COBL: variants seen among roughly 807,000 people sequenced by gnomAD.
The protein encoded by COBL is protein cordon-bleu.
A neutral mutation model predicts 98.8 loss-of-function variants in COBL; 51 were observed. The ratio of observed to expected loss-of-function variants is 0.52; its 90% CI spans 0.41 to 0.65. The LOEUF (loss-of-function observed/expected upper bound fraction) is 0.65, where lower values mean the gene tolerates loss of function less well. Among genes scored for constraint, COBL ranks in the 30% least tolerant of loss-of-function variants. The pLI, the probability that COBL is intolerant of heterozygous loss-of-function variation, is 0.00. For missense variants in COBL, 1,617 were observed against 1,617.5 expected, an observed-to-expected ratio of 1.00 and a Z score of 0.01; for synonymous variants, 634 against 651.7, an observed-to-expected ratio of 0.97 and a Z score of 0.41.
intron 6 of COBL, among the ~76,000 whole-genome samples, chr7:51,105,803 C>A (rs1003170555): frequency 1.3e-5 from 2 of 151,896 alleles, no homozygotes; most frequent in Non-Finnish European, 2.9e-5. Flanking sequence ...TGAGAGAGGC[C>A]TGGGAAAACA....
intron 4 of COBL, 29 bp downstream of exon 4, chr7:51,190,821 C>T (rs1438379044): frequency 5.7e-6 from 9 of 1,581,014 alleles, no homozygotes; most frequent in Admixed American, 3.4e-5. Flanking sequence ...TGATTATGGG[C>T]AGGTGCGTGA....
chr7:51,293,913 G>C (rs190530080), intron 1 of COBL, among the ~76,000 whole-genome samples: 7 of 152,176 alleles, frequency 4.6e-5, no homozygotes, highest in Admixed American at 1.3e-4. Flanking sequence ...GCTCGGTAAG[G>C]GTGCTGGATC....
intron 6 of COBL, among the ~76,000 whole-genome samples, chr7:51,094,177 T>C (rs1795074420): frequency 6.6e-6 from 1 of 151,990 alleles, no homozygotes; most frequent in African/African-American, 2.4e-5. Flanking sequence ...TCTAAAACAG[T>C]TGATCTCATA....
At chr7:51,059,127 G>A (rs990500199) in intron 7 of COBL, among the ~76,000 whole-genome samples, 1 of 152,228 alleles carries the variant, frequency 6.6e-6, no homozygotes, top group Non-Finnish European at 1.5e-5. Context: ...GGCCACCTGT[G>A]ACCCTGAACT....
intron 2 of COBL, among the ~76,000 whole-genome samples, chr7:51,211,932 G>A (rs572352954): frequency 9.2e-5 from 14 of 152,092 alleles, no homozygotes; most frequent in Non-Finnish European, 1.5e-4. Flanking sequence ...TTAAATCTCA[G>A]GTTCAATGGA....
chr7:51,054,608 C>T (rs933770987), intron 7 of COBL, among the ~76,000 whole-genome samples: 56 of 152,326 alleles, frequency 3.7e-4, no homozygotes, highest in Middle Eastern at 3.4e-3. Context: ...TCCTCTCTGC[C>T]GCTTGGCCAG....
chr7:51,289,491 C>T (rs945889967), intron 1 of COBL, among the ~76,000 whole-genome samples: 23 of 152,342 alleles, frequency 1.5e-4, no homozygotes, highest in African/African-American at 5.0e-4. Flanking sequence ...CTGCCTACAA[C>T]GGAGCTCTGC....
intron 1 of COBL, among the ~76,000 whole-genome samples, chr7:51,288,422 CAA>C (rs71021764): frequency 1.8e-4 from 19 of 102,722 alleles, no homozygotes; most frequent in Non-Finnish European, 2.1e-4. Context: ...CAACAGTCTC[CAA>C]AAAAAAAAAA....
chr7:51,297,898 A>G (rs995551442), intron 1 of COBL, among the ~76,000 whole-genome samples: 1 of 152,190 alleles, frequency 6.6e-6, no homozygotes, highest in African/African-American at 2.4e-5. Context: ...GGAAAAGACA[A>G]TCAAGACCAT....
At chr7:51,121,048 T>C (rs1303084132) in intron 6 of COBL, among the ~76,000 whole-genome samples, 1 of 152,198 alleles carries the variant, frequency 6.6e-6, no homozygotes, top group Non-Finnish European at 1.5e-5. Context: ...GTGAAATTGC[T>C]AGATCCTATG....
At chr7:51,278,972 G>A (rs540187650) in intron 1 of COBL, among the ~76,000 whole-genome samples, 10 of 152,338 alleles carry the variant, frequency 6.6e-5, no homozygotes, top group East Asian at 3.9e-4. Context: ...GCAGGTGGCC[G>A]GGGAAATGCT....
chr7:51,118,707 C>T (rs1562933739), intron 6 of COBL, among the ~76,000 whole-genome samples: 1 of 152,126 alleles, frequency 6.6e-6, no homozygotes, highest in South Asian at 2.1e-4. Flanking sequence ...ATCTGGGGCC[C>T]TTGGAGGTTC....
Position 51,175,333 on chromosome 7 carries a change from A to G in COBL, c.783+8769T>C, listed in dbSNP as rs148808020. 7.3e-3 allele frequency among the ~76,000 whole-genome samples: 1,119 copies of G among 152,344 alleles called. 13 individuals are homozygous for G. The highest frequency in any genetic ancestry group is 0.026 in the African/African-American group (1,087 of 41,580). ...TTAGTTTTATACCAAAAGGTGCATG[A>G]ACGTGAGTTCTCTCACCCCCATATT... On this transcript the variant is annotated intron_variant, in intron 5 of 12. Coordinates refer to ENST00000265136, the MANE Select transcript of COBL (RefSeq NM_015198.5).
intron 6 of COBL, among the ~76,000 whole-genome samples, chr7:51,090,021 CTG>C (rs986705191): frequency 6.6e-6 from 1 of 152,164 alleles, no homozygotes; most frequent in Non-Finnish European, 1.5e-5. Context: ...TTAAAACACT[CTG>C]TAATTTTATC....
At chr7:51,282,518 A>G (rs1799900275) in intron 1 of COBL, among the ~76,000 whole-genome samples, 1 of 152,258 alleles carries the variant, frequency 6.6e-6, no homozygotes, top group East Asian at 1.9e-4. Context: ...ACAAGAAGAT[A>G]TAACAATCCT....
chr7:51,184,306 TC>T (rs1789275413), intron 4 of COBL, 107 bp from the exon 5 acceptor site: 3 of 630,984 alleles, frequency 4.8e-6, no homozygotes, highest in Non-Finnish European at 5.3e-6. Flanking sequence ...AACTTTTAGT[TC>T]TTGTAAGAGA....
intron 1 of COBL, among the ~76,000 whole-genome samples, chr7:51,223,195 C>A (rs975771784): frequency 6.6e-6 from 1 of 152,284 alleles, no homozygotes; most frequent in Non-Finnish European, 1.5e-5. Flanking sequence ...AACCAGCAGG[C>A]TGCAAGGGCG....
At chr7:51,083,254 T>C (rs985199998) in intron 7 of COBL, 1 of 1,436,452 alleles carries the variant, frequency 7.0e-7, no homozygotes, top group Non-Finnish European at 9.1e-7. Flanking sequence ...AGGGAGTTAC[T>C]TCAGCAGGTT....
In COBL at chr7:51,297,662, G is replaced by C. The variant is rs2129197809; in HGVS notation, c.41+18931C>G. 2.0e-5 allele frequency among the ~76,000 whole-genome samples: 3 copies of C among 152,212 alleles called. No individual in the cohort carries two copies. In the Middle Eastern group the frequency reaches 0.01, roughly 518 times the overall value. Reference sequence around the variant, plus strand: ...CCCGCCTCAGCCTCCCAAAGTGCTAGGATTACAGGCTTGAGCCACCATGCC... The same window carrying C: ...CCCGCCTCAGCCTCCCAAAGTGCTACGATTACAGGCTTGAGCCACCATGCC... On this transcript the variant is annotated intron_variant, in intron 1 of 12. Transcript: ENST00000265136.
Sources: allele counts gnomAD v4.1 joint callset (sites outside exome capture counted in the v4.1 genomes callset), GRCh38; gene constraint gnomAD v4.1.1; transcripts MANE v1.5; gene names NCBI Gene and HGNC (gene_info 2026-07-23, HGNC 2026-07-21).